TRPV6: variants seen among roughly 807,000 people sequenced by gnomAD.
The protein encoded by TRPV6 is Alu-binding protein with zinc finger domain.
A neutral mutation model predicts 79.0 loss-of-function variants in TRPV6; 39 were observed. That is an observed-to-expected ratio of 0.49 (90% confidence interval 0.38 to 0.64). The LOEUF is 0.64. Among genes scored for constraint, TRPV6 ranks in the 30% least tolerant of loss-of-function variants. The probability of loss-of-function intolerance (pLI) is 0.00; values close to 1 mark genes in which losing one functional copy is unlikely to be tolerated. For synonymous variants in TRPV6, 373 were observed against 391.9 expected (o/e 0.95, Z 0.57); for missense variants, 813 against 1,011.1 (o/e 0.80, Z 2.66).
intron 11 of TRPV6, among the ~76,000 whole-genome samples, 155 bp from the exon 12 acceptor site, chr7:142,874,297 T>G (rs1274264129): frequency 1.3e-5 from 2 of 152,228 alleles, no homozygotes; most frequent in Admixed American, 6.5e-5. Context: ...CTACCTGACC[T>G]GCTTTGGTGT....
Position 142,876,854 on chromosome 7 carries a change from A to G in TRPV6, c.608-17T>C, listed in dbSNP as rs1277043147. The G allele has an allele frequency of 2.5e-6, 4 of 1,613,854 alleles. No individual in the cohort carries two copies. Among genetic ancestry groups the G allele is most frequent in the Non-Finnish European group, 3.4e-6 (4 of 1,179,872 alleles). On this transcript the variant is annotated splice_polypyrimidine_tract_variant and intron_variant, in intron 4 of 14. Coordinates refer to ENST00000359396, the MANE Select transcript of TRPV6 (RefSeq NM_018646.6). Reference sequence around the variant, plus strand: ...GGTGCTCCCCTGTGGACACAGAGAGATCTATGGTAGGAGAGTGCAGGATGG... The same window carrying G: ...GGTGCTCCCCTGTGGACACAGAGAGGTCTATGGTAGGAGAGTGCAGGATGG...
In TRPV6 at chr7:142,875,311, C is replaced by T. The variant is rs182209745; in HGVS notation, c.1243-147G>A. On this transcript the variant is annotated intron_variant, in intron 8 of 14. Transcript: ENST00000359396. ...TCAAACTCTGCTCTCAGAGTAAGAG[C>T]GTATGTGTGTTTTTGTGGGCGTGCA... 3,653 of 1,216,134 alleles carry T rather than the reference C, an allele frequency of 3.0e-3. 129 individuals are homozygous for T. In the Admixed American group the frequency reaches 0.067, roughly 22 times the overall value. 75.3% of individuals were successfully genotyped at this position (1,216,134 alleles called of 1,614,324 possible). A position where few individuals can be genotyped will look rare whatever the true frequency, so the allele number is the denominator to read the frequency against.
At chr7:142,879,229 A>G (rs1368428793) in intron 1 of TRPV6, 2 of 152,224 alleles carry the variant, frequency 1.3e-5, no homozygotes, top group African/African-American at 4.8e-5. Context: ...GATTTACCCA[A>G]TTTGGGATTC....
At chr7:142,872,527 CAGAGGT>C in intron 13 of TRPV6, 49 bp from the exon 14 acceptor site, 1 of 1,568,262 alleles carries the variant, frequency 6.4e-7, no homozygotes, top group Non-Finnish European at 8.7e-7. Context: ...TGGGCGCAGA[CAGAGGT>C]AGGGGTAGGG....
At chr7:142,880,879 A>T (rs1387004407) in intron 1 of TRPV6, 2 of 152,186 alleles carry the variant, frequency 1.3e-5, no homozygotes. Context: ...TCAAATTTAA[A>T]TTGAACTGAG....
chr7:142,878,844 C>A (rs1371716449), intron 1 of TRPV6: 1 of 152,224 alleles, frequency 6.6e-6, no homozygotes, highest in Non-Finnish European at 1.5e-5. Flanking sequence ...CTCTGGCGGA[C>A]CCTTCCACCT....
chr7:142,874,131 G>A lies in TRPV6; in HGVS notation c.1584C>T (p.Gly528=), dbSNP rs777597496. Residue 528 remains glycine, a synonymous_variant, in exon 12 of 15, where the codon GGC becomes GGT. Coordinates refer to ENST00000359396, the MANE Select transcript of TRPV6 (RefSeq NM_018646.6). ...TCAGCCAGCAGAATCGCATCAGGTC[G>A]CCAAAAATCATCTAGAAGGAGCAGG... 48 of 1,613,466 alleles carry A rather than the reference G, an allele frequency of 3.0e-5. No homozygotes were observed. The East Asian group carries it at 5.6e-4, about 19-fold the overall frequency.
In TRPV6 at chr7:142,885,662, GT is replaced by G. The variant is rs1446706480; in HGVS notation, c.-27del. The G allele has an allele frequency of 1.7e-6, 2 of 1,169,500 alleles. No homozygotes were observed. Among genetic ancestry groups the G allele is most frequent in the East Asian group, 5.2e-5 (2 of 38,188 alleles). 72.4% of individuals were successfully genotyped at this position (1,169,500 alleles called of 1,614,324 possible). On this transcript the variant is annotated 5_prime_UTR_variant, in exon 1 of 15. Transcript: ENST00000359396. Reference sequence around the variant, plus strand: ...CTCCTGTCTCCTGCCTTCCTGACGAGTTCCTTGGGAGTCTCCCAGCAGCCCC... The same window carrying G: ...CTCCTGTCTCCTGCCTTCCTGACGAGTCCTTGGGAGTCTCCCAGCAGCCCC...
chr7:142,874,702 C>T (rs1225146534), intron 10 of TRPV6, 46 bp from the exon 11 acceptor site: 2 of 1,592,458 alleles, frequency 1.3e-6, no homozygotes, highest in East Asian at 2.3e-5. Flanking sequence ...CTGGGATGAT[C>T]CTGGGGACCT....
chr7:142,877,711 C>A lies in TRPV6; in HGVS notation c.409G>T (p.Val137Leu). The A allele has an allele frequency of 1.2e-6, 2 of 1,614,206 alleles. No homozygotes were observed. Among genetic ancestry groups the A allele is most frequent in the Non-Finnish European group, 1.7e-6 (2 of 1,180,038 alleles). The change falls in exon 3 of 15, where the codon GTG becomes TTG. Residue 137 changes from valine to leucine, a missense_variant. Val to Leu is a conservative substitution (Grantham distance 32, BLOSUM62 1). Coordinates refer to ENST00000359396, the MANE Select transcript of TRPV6 (RefSeq NM_018646.6). Reference sequence around the variant, plus strand: ...AGCTCCGGGGCAGCCTCCATCAGCACCATGGCGGCCTCCAGGTTGTCATAG... The same window carrying A: ...AGCTCCGGGGCAGCCTCCATCAGCAACATGGCGGCCTCCAGGTTGTCATAG...
At position 142,875,659 on chromosome 7, in the gene TRPV6, T is replaced by A; in HGVS notation, c.1051A>T (p.Thr351Ser). 1 of 1,613,402 alleles carries A rather than the reference T, an allele frequency of 6.2e-7. No individual in the cohort carries two copies. The highest frequency in any genetic ancestry group is 8.5e-7 in the Non-Finnish European group (1 of 1,179,798). The stretch of plus-strand genomic sequence containing the variant: ...AGGCTCACCAGCTCCTTCACCGGCG[T>A]CTGGTCCAGGATCTGGCGAGCCTGC... The change falls in exon 8 of 15, where the codon ACG (threonine) becomes TCG (serine). Residue 351 changes from threonine (T) to serine (S), a missense_variant. Thr to Ser is a moderately conservative substitution (Grantham distance 58). Coordinates refer to ENST00000359396, the MANE Select transcript of TRPV6 (RefSeq NM_018646.6).
chr7:142,875,020 G>A, intron 9 of TRPV6, 40 bp from the exon 10 acceptor site: 2 of 1,614,124 alleles, frequency 1.2e-6, no homozygotes, highest in South Asian at 1.1e-5. Flanking sequence ...TCAGATACCG[G>A]AACTTGGGCT....
chr7:142,872,119 G>A (rs2116504398), intron 14 of TRPV6, 130 bp from the exon 15 acceptor site: 1 of 1,316,154 alleles, frequency 7.6e-7, no homozygotes, highest in African/African-American at 1.5e-5. Flanking sequence ...TGCAGCCATG[G>A]TGGATGCCTG....
In TRPV6 at chr7:142,877,955, T is replaced by C; in HGVS notation, c.320A>G (p.Tyr107Cys). 6.2e-7 allele frequency: 1 copy of C among 1,614,226 alleles called. No individual in the cohort carries two copies. Among genetic ancestry groups the C allele is most frequent in the Non-Finnish European group, 8.5e-7 (1 of 1,180,036 alleles). Residue 107 changes from tyrosine to cysteine, a missense_variant, in exon 2 of 15, where the codon TAT becomes TGT. Tyr to Cys is a radical substitution (Grantham distance 194). Around this residue, in one of 3 missense-constraint regions of TRPV6, gnomAD observed 555 missense variants for 631.0 expected, o/e 0.88. Coordinates refer to ENST00000359396, the MANE Select transcript of TRPV6 (RefSeq NM_018646.6). ...TCTCTGGTGCACCTTGCAATCCTCA[T>C]ACTTGAGCAACTTGTTCAGGGCCTG...
At chr7:142,872,663 G>C (rs1245053978) in intron 13 of TRPV6, among the ~76,000 whole-genome samples, 185 bp from the exon 14 acceptor site, 1 of 152,176 alleles carries the variant, frequency 6.6e-6, no homozygotes, top group Non-Finnish European at 1.5e-5. Flanking sequence ...AAGACAGGAA[G>C]CAGAAGCCCC....
At chr7:142,874,284 G>A (rs562337909) in intron 11 of TRPV6, 142 bp from the exon 12 acceptor site, 2 of 1,152,466 alleles carry the variant, frequency 1.7e-6, no homozygotes, top group Non-Finnish European at 2.6e-6. Flanking sequence ...CTGTGGACCA[G>A]ATCTACCTGA....
chr7:142,885,221 A>T, intron 1 of TRPV6, 168 bp downstream of exon 1: 1 of 695,206 alleles, frequency 1.4e-6, no homozygotes, highest in Non-Finnish European at 2.3e-6. Flanking sequence ...CACCAGCCCT[A>T]CAGGCTGAGG....
At position 142,871,270 on chromosome 7, in the gene TRPV6, C is replaced by G. The variant is rs941713828; in HGVS notation, c.*437G>C. 2.0e-6 allele frequency: 1 copy of G among 489,486 alleles called. No homozygotes were observed. The highest frequency in any genetic ancestry group is 3.7e-6 in the Non-Finnish European group (1 of 267,150). The allele number at this position is 489,486 out of a possible 1,614,324, so 30.3% of individuals were successfully genotyped here. On this transcript the variant is annotated 3_prime_UTR_variant, in exon 15 of 15. Transcript: ENST00000359396. ...CAAGACCTAGCCCCACTTCCCACCC[C>G]CAGAGCCGTTCCTGTCTCCCTCACT...
At position 142,876,435 on chromosome 7, in the gene TRPV6, CT is replaced by C. The variant is rs1795070496; in HGVS notation, c.854del (p.Lys285SerfsTer10). 1 of 1,614,090 alleles carries C rather than the reference CT, an allele frequency of 6.2e-7. No individual in the cohort carries two copies. Among genetic ancestry groups the C allele is most frequent in the Non-Finnish European group, 8.5e-7 (1 of 1,179,980 alleles). On this transcript the variant is annotated frameshift_variant, in exon 6 of 15. Transcript: ENST00000359396. LOFTEE classifies it high-confidence loss of function. ...CAGTGTTACCCTCCACTCCAGCCAG[CT>C]TGAAAGGGGTGAGACCCTGGTGATT...
Sources: gnomAD v4.1 joint callset for allele counts (sites outside exome capture counted in the v4.1 genomes callset) on GRCh38, gnomAD v4.1.1 for gene constraint, gnomAD v4.1.1 regional missense constraint, MANE v1.5 for transcripts, NCBI Gene and HGNC (gene_info 2026-07-23, HGNC 2026-07-21) for gene names.